Variants in IGFBP5 observed in about 807,000 individuals in gnomAD.
The protein encoded by IGFBP5 is insulin like growth factor binding protein 5.
Under a neutral mutation model 28.0 loss-of-function variants are expected in IGFBP5, and 12 were observed. That is an observed-to-expected ratio of 0.43 (90% CI 0.27 to 0.69). IGFBP5 has a LOEUF of 0.69. IGFBP5 is among the 30% of genes least tolerant of loss of function. IGFBP5 has a pLI of 0.20. For missense variants in IGFBP5, 344 were observed against 381.6 expected, an observed-to-expected ratio of 0.90 and a Z score of 0.82; for synonymous variants, 152 against 150.2, an observed-to-expected ratio of 1.01 and a Z score of -0.09.
chr2:216,690,369 A>T (rs1053500460), intron 1 of IGFBP5, among the ~76,000 whole-genome samples: 4 of 152,150 alleles, frequency 2.6e-5, no homozygotes, highest in Admixed American at 6.5e-5. Flanking sequence ...TTCTGGATGT[A>T]GTGGGTCTGG....
In IGFBP5 at chr2:216,675,328, G is replaced by A. The variant is rs746765988; in HGVS notation, c.*1423C>T. The stretch of plus-strand genomic sequence containing the variant: ...GGAGGCTTCCAAAAATGCACATTCT[G>A]TTCAGATGAAAGGAAAAGGCTGGGG... On this transcript the variant is annotated 3_prime_UTR_variant, in exon 4 of 4. Coordinates refer to ENST00000233813, the MANE Select transcript of IGFBP5 (RefSeq NM_000599.4). The A allele has an allele frequency of 6.6e-6, 1 of 152,554 alleles. No individual in the cohort carries two copies. The highest frequency in any genetic ancestry group is 1.5e-5 in the Non-Finnish European group (1 of 68,070). 9.5% of individuals were successfully genotyped at this position (152,554 alleles called of 1,614,324 possible). A position where few individuals can be genotyped will look rare whatever the true frequency, so the allele number is the denominator to read the frequency against.
At position 216,676,359 on chromosome 2, in the gene IGFBP5, G is replaced by T. The variant is rs929992214; in HGVS notation, c.*392C>A. The T allele has an allele frequency of 6.0e-6, 1 of 165,712 alleles. No individual in the cohort carries two copies. The highest frequency in any genetic ancestry group is 6.3e-5 in the Admixed American group (1 of 15,798). The allele number at this position is 165,712 out of a possible 1,614,324, so 10.3% of individuals were successfully genotyped here. ...GGCTGGACGTGAAAGTTGGGCCCCT[G>T]CCTGGTCTCGGTGCATGTCCTTCCT... On this transcript the variant is annotated 3_prime_UTR_variant, in exon 4 of 4. Coordinates refer to ENST00000233813, the MANE Select transcript of IGFBP5 (RefSeq NM_000599.4).
chr2:216,679,159 G>T lies in IGFBP5; in HGVS notation c.338-80C>A. The T allele has an allele frequency of 9.2e-7, 1 of 1,082,432 alleles. No individual in the cohort carries two copies. The highest frequency in any genetic ancestry group is 1.3e-5 in the South Asian group (1 of 78,182). 67.1% of individuals were successfully genotyped at this position (1,082,432 alleles called of 1,614,324 possible). On this transcript the variant is annotated intron_variant, in intron 1 of 3. Coordinates refer to ENST00000233813, the MANE Select transcript of IGFBP5 (RefSeq NM_000599.4). The surrounding 1 kb of genome is among the most constrained non-coding windows in gnomAD (Gnocchi z 4.6). ...AGAGCCCAGGGCTGGGCAGTTTGGG[G>T]TGAGGGGAGTAATAAAGGCTGAAGC...
chr2:216,678,793 T>A, intron 2 of IGFBP5, 57 bp downstream of exon 2: 2 of 1,415,060 alleles, frequency 1.4e-6, no homozygotes, highest in Non-Finnish European at 2.0e-6. Flanking sequence ...GAATGTCCAT[T>A]TAGATGCAGG....
rs972395248 is a variant in IGFBP5 at position 216,692,153 on chromosome 2, T to G, written c.337+2286A>C. 2.0e-5 allele frequency among the ~76,000 whole-genome samples: 3 copies of G among 152,108 alleles called. No individual in the cohort carries two copies. The highest frequency in any genetic ancestry group is 7.2e-5 in the African/African-American group (3 of 41,400). The stretch of plus-strand genomic sequence containing the variant: ...CCATCCCATCTGTTCGGGAAGAAGA[T>G]GTCGGCACCAGCAGCGGTGGAGCGC... On this transcript the variant is annotated intron_variant, in intron 1 of 3. Coordinates refer to ENST00000233813, the MANE Select transcript of IGFBP5 (RefSeq NM_000599.4). The surrounding 1 kb of genome is among the most constrained non-coding windows in gnomAD (Gnocchi z 4.2).
chr2:216,677,897 T>C (rs900181722), intron 3 of IGFBP5, among the ~76,000 whole-genome samples: 3 of 152,164 alleles, frequency 2.0e-5, no homozygotes, highest in African/African-American at 4.8e-5. Context: ...GTGGAAAGCA[T>C]AGTGGATTAC....
rs1466690797 is a variant in IGFBP5 at position 216,679,035 on chromosome 2, C to T, written c.382G>A (p.Ala128Thr). The T allele has an allele frequency of 2.5e-6, 4 of 1,613,994 alleles. No homozygotes were observed. The highest frequency in any genetic ancestry group is 3.3e-5 in the Admixed American group (2 of 60,002). ...EHEEPTTSEM[A>T]EETYSPKIFR... Reference sequence around the variant, plus strand: ...ATCTTGGGGGAGTAGGTCTCCTCGGCCATCTCAGAGGTGGTGGGCTCCTCG... The same window carrying T: ...ATCTTGGGGGAGTAGGTCTCCTCGGTCATCTCAGAGGTGGTGGGCTCCTCG... Residue 128 changes from alanine (A) to threonine (T), a missense_variant, in exon 2 of 4, where the codon GCC (alanine) becomes ACC (threonine). Coordinates refer to ENST00000233813, the MANE Select transcript of IGFBP5 (RefSeq NM_000599.4). This position sits in a 1 kb window ranked among gnomAD's most constrained non-coding sequence, Gnocchi z 4.6.
In IGFBP5 at chr2:216,673,565, A is replaced by AG. The variant is rs113393667; in HGVS notation, c.*3185_*3186insC. On this transcript the variant is annotated 3_prime_UTR_variant, in exon 4 of 4. Coordinates refer to ENST00000233813, the MANE Select transcript of IGFBP5 (RefSeq NM_000599.4). The surrounding 1 kb of genome is among the most constrained non-coding windows in gnomAD (Gnocchi z 4.3). ...GAGGCACGAATCTAAAGGGGATGGG[A>AG]AGACCTTCTGTGGGTGTGAGCATGG... is the stretch of plus-strand genomic sequence containing the variant. The AG allele has an allele frequency of 0.073, 11,074 of 152,420 alleles. 667 individuals are homozygous for AG. Among genetic ancestry groups the AG allele is most frequent in the African/African-American group, 0.15 (6,419 of 41,524 alleles). 9.4% of individuals were successfully genotyped at this position (152,420 alleles called of 1,614,324 possible). A position where few individuals can be genotyped will look rare whatever the true frequency, so the allele number is the denominator to read the frequency against.
At position 216,683,877 on chromosome 2, in the gene IGFBP5, G is replaced by A. The variant is rs187302950; in HGVS notation, c.338-4798C>T. On this transcript the variant is annotated intron_variant, in intron 1 of 3. Coordinates refer to ENST00000233813, the MANE Select transcript of IGFBP5 (RefSeq NM_000599.4). ...TATAATACCTCCAGTCCTTCCCACT[G>A]GCTCTCCAATGCCTCTGGCCCCTGC... Among the ~76,000 whole-genome samples the A allele has an allele frequency of 1.4e-4, 22 of 152,284 alleles. No individual in the cohort carries two copies. The East Asian group carries it at 3.7e-3, about 25-fold the overall frequency.
At chr2:216,691,426 CCCAGTACT>C (rs1689094413) in intron 1 of IGFBP5, among the ~76,000 whole-genome samples, 2 of 23,130 alleles carry the variant, frequency 8.6e-5, no homozygotes, top group Non-Finnish European at 2.1e-4. Context: ...CGAAAGCAAA[CCCAGTACT>C]TCCTTGACTC....
In IGFBP5 at chr2:216,679,265, T is replaced by C. The variant is rs1338866504; in HGVS notation, c.338-186A>G. 1.6e-6 allele frequency: 1 copy of C among 629,532 alleles called. No homozygotes were observed. Among genetic ancestry groups the C allele is most frequent in the Non-Finnish European group, 2.9e-6 (1 of 345,858 alleles). 39.0% of individuals were successfully genotyped at this position (629,532 alleles called of 1,614,324 possible). On this transcript the variant is annotated intron_variant, in intron 1 of 3. Transcript: ENST00000233813. This position sits in a 1 kb window ranked among gnomAD's most constrained non-coding sequence, Gnocchi z 4.6. ...GAAGCAGAGGGAATGCTCATTTAAGTGGCAGGAAGTTTCTGGCATGCTTGG... is the reference window on the plus strand; with the variant it reads ...GAAGCAGAGGGAATGCTCATTTAAGCGGCAGGAAGTTTCTGGCATGCTTGG...
intron 1 of IGFBP5, among the ~76,000 whole-genome samples, chr2:216,682,734 A>C (rs1414795863): frequency 2.0e-5 from 3 of 150,964 alleles, no homozygotes; most frequent in Non-Finnish European, 4.4e-5. Context: ...TTTGAGACAG[A>C]GTCTCCTTCT....
chr2:216,689,694 C>T (rs1398536549), intron 1 of IGFBP5, among the ~76,000 whole-genome samples: 3 of 152,248 alleles, frequency 2.0e-5, no homozygotes, highest in African/African-American at 4.8e-5. Context: ...GCTGCCACAT[C>T]TTGGGCAAGT....
At chr2:216,688,085 G>A (rs1689053061) in intron 1 of IGFBP5, among the ~76,000 whole-genome samples, 1 of 152,104 alleles carries the variant, frequency 6.6e-6, no homozygotes, top group African/African-American at 2.4e-5. Flanking sequence ...CTGAAATGTG[G>A]CCCGGGGAAC....
Position 216,679,212 on chromosome 2 carries a change from AC to A in IGFBP5, c.338-134del. ...ATGTGTCTCTGCCCTCCTGGAGCAC[AC>A]CCTGAAAGCAGGGGGATAAGAACCA... On this transcript the variant is annotated intron_variant, in intron 1 of 3. Transcript: ENST00000233813. This position sits in a 1 kb window ranked among gnomAD's most constrained non-coding sequence, Gnocchi z 4.6. 1 of 707,026 alleles carries A rather than the reference AC, an allele frequency of 1.4e-6. No homozygotes were observed. The highest frequency in any genetic ancestry group is 2.6e-6 in the Non-Finnish European group (1 of 390,128). 43.8% of individuals were successfully genotyped at this position (707,026 alleles called of 1,614,324 possible).
intron 1 of IGFBP5, among the ~76,000 whole-genome samples, chr2:216,690,023 GA>G (rs1164013389): frequency 2.0e-5 from 3 of 151,122 alleles, no homozygotes; most frequent in Non-Finnish European, 2.9e-5. Flanking sequence ...TTTATGGAAA[GA>G]AATGAAACTG....
Position 216,676,711 on chromosome 2 carries a change from G to A in IGFBP5, c.*40C>T, listed in dbSNP as rs762998484. ...GAGGCGCTGGCTGGAGTCGGGGCTG[G>A]GGGTGGGAGGGGGTGAGGGAAAGGT... On this transcript the variant is annotated 3_prime_UTR_variant, in exon 4 of 4. Coordinates refer to ENST00000233813, the MANE Select transcript of IGFBP5 (RefSeq NM_000599.4). The A allele has an allele frequency of 6.9e-7, 1 of 1,458,104 alleles. No individual in the cohort carries two copies. The highest frequency in any genetic ancestry group is 1.2e-5 in the South Asian group (1 of 81,550). The allele number at this position is 1,458,104 out of a possible 1,614,324, so 90.3% of individuals were successfully genotyped here. A position where few individuals can be genotyped will look rare whatever the true frequency, so the allele number is the denominator to read the frequency against.
At chr2:216,685,266 G>A (rs1411648301) in intron 1 of IGFBP5, among the ~76,000 whole-genome samples, 1 of 144,494 alleles carries the variant, frequency 6.9e-6, no homozygotes, top group African/African-American at 2.7e-5. Context: ...GGGCAATAGT[G>A]TGACAAAAAA....
Position 216,674,211 on chromosome 2 carries a change from C to T in IGFBP5, c.*2540G>A, listed in dbSNP as rs1332914241. ...CCTAGTTGGATAACTGCTCAAGATGCAAAGGGAGAATGGGTGGAAAGAACA... is the reference window on the plus strand; with the variant it reads ...CCTAGTTGGATAACTGCTCAAGATGTAAAGGGAGAATGGGTGGAAAGAACA... On this transcript the variant is annotated 3_prime_UTR_variant, in exon 4 of 4. Coordinates refer to ENST00000233813, the MANE Select transcript of IGFBP5 (RefSeq NM_000599.4). The surrounding 1 kb of genome is among the most constrained non-coding windows in gnomAD (Gnocchi z 4.4). The T allele has an allele frequency of 6.5e-6, 1 of 153,050 alleles. No homozygotes were observed. The highest frequency in any genetic ancestry group is 1.5e-5 in the Non-Finnish European group (1 of 68,108). The allele number at this position is 153,050 out of a possible 1,614,324, so 9.5% of individuals were successfully genotyped here.
Sources: allele counts gnomAD v4.1 joint callset (sites outside exome capture counted in the v4.1 genomes callset), GRCh38; gene constraint gnomAD v4.1.1; non-coding constraint Gnocchi (gnomAD v3.1); transcripts MANE v1.5; gene names NCBI Gene and HGNC (gene_info 2026-07-23, HGNC 2026-07-21).